The following FCHSD1 variants were observed in gnomAD, a reference collection of about 807,000 sequenced individuals.
The protein encoded by FCHSD1 is F-BAR and double SH3 domains protein 1.
A neutral mutation model predicts 101.3 loss-of-function variants in FCHSD1; 109 were observed. The observed-to-expected ratio is 1.08, with a 90% CI of 0.92 to 1.26. The LOEUF is 1.26. FCHSD1 is among the 50% of genes most tolerant of loss of function. The pLI is 0.00. For synonymous variants in FCHSD1, 291 were observed against 356.8 expected, an observed-to-expected ratio of 0.82 and a Z score of 2.08; for missense variants, 820 against 895.8, an observed-to-expected ratio of 0.92 and a Z score of 1.08.
rs542920441 is a variant in FCHSD1 at position 141,647,723 on chromosome 5, T to G, written c.706-203A>C. The G allele has an allele frequency of 3.1e-6, 3 of 965,226 alleles. No homozygotes were observed. The African/African-American group carries it at 4.9e-5, about 16-fold the overall frequency. 59.8% of individuals were successfully genotyped at this position (965,226 alleles called of 1,614,324 possible). A position where few individuals can be genotyped will look rare whatever the true frequency, so the allele number is the denominator to read the frequency against. The stretch of plus-strand genomic sequence containing the variant: ...CATTCTCTCCTTTGAGCCCCACTAG[T>G]GCTATAAGATAGGCAGAGAAAGGGT... On this transcript the variant is annotated intron_variant, in intron 8 of 19. Coordinates refer to ENST00000435817, the MANE Select transcript of FCHSD1 (RefSeq NM_033449.3).
At chr5:141,651,288 C>G in intron 1 of FCHSD1, 60 bp downstream of exon 1, 1 of 1,550,634 alleles carries the variant, frequency 6.4e-7, no homozygotes, top group South Asian at 1.2e-5. Flanking sequence ...AGTCGGATGC[C>G]CCCTTAGCTC....
In FCHSD1 at chr5:141,649,306, T is replaced by G; in HGVS notation, c.378A>C (p.Gly126=). 6.2e-7 allele frequency: 1 copy of G among 1,613,992 alleles called. No individual in the cohort carries two copies. Reference sequence around the variant, plus strand: ...CCTGCGCCCTCTGGAGGTTCTCTGTTCCCTATTGGGATGCATACACAAAGT... The same window carrying G: ...CCTGCGCCCTCTGGAGGTTCTCTGTGCCCTATTGGGATGCATACACAAAGT... ...RSAKEQVLRK[G]TENLQRAQAE... Residue 126 remains glycine, a splice_region_variant and synonymous_variant, in exon 6 of 20, where the codon GGA becomes GGC. Coordinates refer to ENST00000435817, the MANE Select transcript of FCHSD1 (RefSeq NM_033449.3). This position sits in a 1 kb window ranked among gnomAD's most constrained non-coding sequence, Gnocchi z 4.1.
At chr5:141,647,075 A>C (rs951433321) in intron 10 of FCHSD1, 60 bp downstream of exon 10, 1 of 1,428,988 alleles carries the variant, frequency 7.0e-7, no homozygotes, top group African/African-American at 1.4e-5. Flanking sequence ...ATAATGGAGG[A>C]GGCCTAAATC....
At chr5:141,650,525 G>A in intron 2 of FCHSD1, 121 bp from the exon 3 acceptor site, 1 of 1,086,816 alleles carries the variant, frequency 9.2e-7, no homozygotes, top group Non-Finnish European at 1.4e-6. Context: ...GGTTCCTAGA[G>A]TGTAACTACA....
Position 141,645,154 on chromosome 5 carries a change from G to A in FCHSD1, c.1312-6C>T, listed in dbSNP as rs1481875741. ...GAAAGCTCAGCATCCTCAGCCTAGA[G>A]GGGCAAAGAACAGACCTCATATGGG... On this transcript the variant is annotated splice_polypyrimidine_tract_variant and splice_region_variant and intron_variant, in intron 13 of 19. Coordinates refer to ENST00000435817, the MANE Select transcript of FCHSD1 (RefSeq NM_033449.3). The A allele has an allele frequency of 1.9e-6, 3 of 1,539,076 alleles. No homozygotes were observed. The highest frequency in any genetic ancestry group is 2.6e-6 in the Non-Finnish European group (3 of 1,143,620).
In FCHSD1 at chr5:141,644,944, T is replaced by C. The variant is rs1374485220; in HGVS notation, c.1441-2A>G. 2.5e-6 allele frequency: 4 copies of C among 1,613,952 alleles called. No homozygotes were observed. The highest frequency in any genetic ancestry group is 1.7e-6 in the Non-Finnish European group (2 of 1,179,864). On this transcript the variant is annotated splice_acceptor_variant, in intron 14 of 19. Transcript: ENST00000435817. LOFTEE classifies it high-confidence loss of function. ...TGTCAGCTCATCCTCACGCCCTGCCTGGGCCACACACGAAGGATTCAGGAC... is the reference window on the plus strand; with the variant it reads ...TGTCAGCTCATCCTCACGCCCTGCCCGGGCCACACACGAAGGATTCAGGAC...
At position 141,640,680 on chromosome 5, in the gene FCHSD1, T is replaced by C. The variant is rs1197748849; in HGVS notation, c.*818A>G. On this transcript the variant is annotated 3_prime_UTR_variant, in exon 20 of 20. Coordinates refer to ENST00000435817, the MANE Select transcript of FCHSD1 (RefSeq NM_033449.3). The stretch of plus-strand genomic sequence containing the variant: ...CTTCCTCTTCTCCAAGTCTCCTTCA[T>C]TGTGCTGATGGACTACCAGCTGGCA... 3 of 1,535,484 alleles carry C rather than the reference T, an allele frequency of 2.0e-6. No homozygotes were observed. The highest frequency in any genetic ancestry group is 2.4e-5 in the South Asian group (2 of 83,890).
At chr5:141,647,883 C>T (rs963711410) in intron 8 of FCHSD1, 85 bp downstream of exon 8, 16 of 1,537,730 alleles carry the variant, frequency 1.0e-5, no homozygotes, top group Non-Finnish European at 1.4e-5. Context: ...CCCTGCACCA[C>T]CCACTGTCAT....
Position 141,646,590 on chromosome 5 carries a change from C to T in FCHSD1, c.1044+13G>A, listed in dbSNP as rs772138472. On this transcript the variant is annotated intron_variant, in intron 11 of 19. Transcript: ENST00000435817. The stretch of plus-strand genomic sequence containing the variant: ...AAGAAGGTGCACATGACACCTGTGC[C>T]CCCCCACCTCACCCGATGCCCATGG... The T allele has an allele frequency of 2.5e-6, 4 of 1,608,200 alleles. No individual in the cohort carries two copies. The highest frequency in any genetic ancestry group is 3.4e-6 in the Non-Finnish European group (4 of 1,177,752).
chr5:141,648,342 C>T (rs371091601), intron 7 of FCHSD1, among the ~76,000 whole-genome samples: 1 of 152,190 alleles, frequency 6.6e-6, no homozygotes, highest in African/African-American at 2.4e-5. Context: ...AGCTGGCCCC[C>T]GCAATCTCTC....
chr5:141,648,111 T>C lies in FCHSD1; in HGVS notation c.577-15A>G, dbSNP rs1029444831. 6.3e-7 allele frequency: 1 copy of C among 1,598,660 alleles called. No individual in the cohort carries two copies. The highest frequency in any genetic ancestry group is 2.2e-5 in the East Asian group (1 of 44,594). ...TGGGCGGACAGCTAGGAGGGTAAAC[T>C]GATGTCAATAGGAAGCCCTAGACCC... On this transcript the variant is annotated splice_polypyrimidine_tract_variant and intron_variant, in intron 7 of 19. Coordinates refer to ENST00000435817, the MANE Select transcript of FCHSD1 (RefSeq NM_033449.3).
At chr5:141,644,059 C>G (rs1222349271) in intron 17 of FCHSD1, among the ~76,000 whole-genome samples, 159 bp downstream of exon 17, 1 of 152,182 alleles carries the variant, frequency 6.6e-6, no homozygotes, top group Non-Finnish European at 1.5e-5. Flanking sequence ...GCCTTGGTTT[C>G]CCTTTTCCCT....
At position 141,649,554 on chromosome 5, in the gene FCHSD1, G is replaced by A. The variant is rs760772622; in HGVS notation, c.234-18C>T. ...TCCTGCCCCTCCCCAGAGAAGGTCT[G>A]TGTTGAGGAGGAGAGCACTCCACAG... is the stretch of plus-strand genomic sequence containing the variant. On this transcript the variant is annotated intron_variant, in intron 4 of 19. Coordinates refer to ENST00000435817, the MANE Select transcript of FCHSD1 (RefSeq NM_033449.3). This position sits in a 1 kb window ranked among gnomAD's most constrained non-coding sequence, Gnocchi z 4.1. 6.2e-7 allele frequency: 1 copy of A among 1,606,982 alleles called. No individual in the cohort carries two copies.
chr5:141,650,516 G>T, intron 2 of FCHSD1, 112 bp from the exon 3 acceptor site: 1 of 1,227,634 alleles, frequency 8.1e-7, no homozygotes, highest in Non-Finnish European at 1.2e-6. Flanking sequence ...GGGGAGCCAG[G>T]TTCCTAGAGT....
chr5:141,648,965 T>C lies in FCHSD1; in HGVS notation c.568A>G (p.Ser190Gly), dbSNP rs1436656966. ...FHSRTSLQKLSTKLSAQSAQY... is the reference protein window; with the variant it reads ...FHSRTSLQKLGTKLSAQSAQY... ...GCCCTCATCCCTCGAACCTTGGTGC[T>C]CAGTTTCTGGAGACTGGTCCGAGAG... Residue 190 changes from serine to glycine, a missense_variant, in exon 7 of 20, where the codon AGC becomes GGC. Physicochemically the swap from Ser to Gly is moderately conservative, Grantham distance 56 (BLOSUM62 0). Transcript: ENST00000435817. 35 of 1,613,926 alleles carry C rather than the reference T, an allele frequency of 2.2e-5. No homozygotes were observed. Among genetic ancestry groups the C allele is most frequent in the Non-Finnish European group, 2.9e-5 (34 of 1,179,872 alleles).
intron 17 of FCHSD1, 144 bp from the exon 18 acceptor site, chr5:141,643,232 C>T (rs2099907195): frequency 7.1e-6 from 4 of 562,170 alleles, no homozygotes; most frequent in Non-Finnish European, 1.2e-5. Flanking sequence ...GGGGGTGTAG[C>T]TGACAAATAT....
chr5:141,639,710 G>C lies in FCHSD1; in HGVS notation c.*1788C>G, dbSNP rs2154598219. ...TAGGGGGCCCAGTGATCAGGCACCT[G>C]ATCCCAAAAGTGGGCCTTGGCTCTT... On this transcript the variant is annotated 3_prime_UTR_variant, in exon 20 of 20. Coordinates refer to ENST00000435817, the MANE Select transcript of FCHSD1 (RefSeq NM_033449.3). This position sits in a 1 kb window ranked among gnomAD's most constrained non-coding sequence, Gnocchi z 4.4. 3 of 1,495,790 alleles carry C rather than the reference G, an allele frequency of 2.0e-6. No individual in the cohort carries two copies. The East Asian group carries it at 6.8e-5, about 34-fold the overall frequency. The allele number at this position is 1,495,790 out of a possible 1,614,324, so 92.7% of individuals were successfully genotyped here. A position where few individuals can be genotyped will look rare whatever the true frequency, so the allele number is the denominator to read the frequency against.
At position 141,641,264 on chromosome 5, in the gene FCHSD1, G is replaced by A; in HGVS notation, c.*234C>T. On this transcript the variant is annotated 3_prime_UTR_variant, in exon 20 of 20. Transcript: ENST00000435817. ...CAGGCATTTCACCACCCTAGATAGG[G>A]TCATGACAGAAGAGAAGGTAGTTCC... The A allele has an allele frequency of 2.2e-6, 1 of 444,690 alleles. No individual in the cohort carries two copies. Among genetic ancestry groups the A allele is most frequent in the Non-Finnish European group, 3.9e-6 (1 of 254,894 alleles). The allele number at this position is 444,690 out of a possible 1,614,324, so 27.5% of individuals were successfully genotyped here.
At chr5:141,647,774 C>T (rs372867388) in intron 8 of FCHSD1, 194 bp downstream of exon 8, 16 of 977,690 alleles carry the variant, frequency 1.6e-5, no homozygotes, top group South Asian at 3.5e-5. Flanking sequence ...ATCTGGGGTT[C>T]GGAAGAGTTT....
Sources: gnomAD v4.1 joint callset for allele counts (sites outside exome capture counted in the v4.1 genomes callset) on GRCh38, gnomAD v4.1.1 for gene constraint, Gnocchi (gnomAD v3.1) non-coding constraint, MANE v1.5 for transcripts, NCBI Gene and HGNC (gene_info 2026-07-23, HGNC 2026-07-21) for gene names.